ESRRB: variants seen among roughly 807,000 people sequenced by gnomAD.
ESRRB encodes the protein estrogen related receptor beta.
Under a neutral mutation model 46.0 loss-of-function variants are expected in ESRRB, and 16 were observed. The observed-to-expected ratio is 0.35, with a 90% CI of 0.24 to 0.53. The LOEUF is 0.53. Among genes scored for constraint, ESRRB ranks in the 20% least tolerant of loss-of-function variants. ESRRB has a pLI of 0.93. For missense variants in ESRRB, 488 were observed against 607.4 expected (o/e 0.80, Z 2.07); for synonymous variants, 246 against 259.6 (o/e 0.95, Z 0.50).
At chr14:76,439,296 C>T (rs777050932) in intron 1 of ESRRB, 45 bp from the exon 2 acceptor site, 12 of 1,609,300 alleles carry the variant, frequency 7.5e-6, no homozygotes, top group Non-Finnish European at 9.4e-6. Flanking sequence ...GCCCACCACA[C>T]CCACAGCACC....
At chr14:76,431,831 G>C (rs1392494815) in intron 1 of ESRRB, among the ~76,000 whole-genome samples, 1 of 152,130 alleles carries the variant, frequency 6.6e-6, no homozygotes, top group African/African-American at 2.4e-5. Flanking sequence ...TGATGGACTT[G>C]ACACTCCCCG....
intron 1 of ESRRB, among the ~76,000 whole-genome samples, chr14:76,323,375 ACATGGCTGACTG>A (rs1177655727): frequency 6.6e-6 from 1 of 151,136 alleles, no homozygotes; most frequent in Non-Finnish European, 1.5e-5. Flanking sequence ...AGTGGTAGGA[ACATGGCTGACTG>A]CAGCATTGAC....
intron 1 of ESRRB, among the ~76,000 whole-genome samples, chr14:76,405,143 G>A (rs1205106712): frequency 2.0e-5 from 3 of 152,084 alleles, no homozygotes; most frequent in African/African-American, 7.2e-5. Context: ...CTCTGTCACT[G>A]AGGCTGGAGT....
intron 5 of ESRRB, among the ~76,000 whole-genome samples, chr14:76,490,752 C>T (rs1224696638): frequency 7.2e-5 from 11 of 152,190 alleles, no homozygotes; most frequent in South Asian, 6.2e-4. Context: ...TCCAAGCTCC[C>T]GGAACAGGCC....
chr14:76,476,930 A>T (rs1018781768), intron 3 of ESRRB, among the ~76,000 whole-genome samples: 5 of 152,136 alleles, frequency 3.3e-5, no homozygotes, highest in Admixed American at 3.3e-4. Flanking sequence ...CCTGCCATGG[A>T]CTTAACCTGA....
At chr14:76,401,732 C>G (rs2139841503) in intron 1 of ESRRB, among the ~76,000 whole-genome samples, 1 of 152,280 alleles carries the variant, frequency 6.6e-6, no homozygotes, top group Middle Eastern at 3.4e-3. Flanking sequence ...GTAGGCTATG[C>G]CATCTAGGCT....
At chr14:76,405,767 G>A (rs959688965) in intron 1 of ESRRB, among the ~76,000 whole-genome samples, 1 of 151,808 alleles carries the variant, frequency 6.6e-6, no homozygotes, top group Non-Finnish European at 1.5e-5. Flanking sequence ...AAAAAAAGGT[G>A]TGGTGGCATG....
At chr14:76,409,115 A>G (rs1490675166) in intron 1 of ESRRB, among the ~76,000 whole-genome samples, 3 of 152,352 alleles carry the variant, frequency 2.0e-5, no homozygotes, top group East Asian at 3.9e-4. Context: ...GCTTCCCCTG[A>G]CAGTTTCTTG....
At chr14:76,367,546 G>A (rs1301507791), upstream of ESRRB, among the ~76,000 whole-genome samples, 1 of 95,382 alleles carries the variant, frequency 1.0e-5, no homozygotes, top group Non-Finnish European at 2.9e-5. Context: ...GACAGGGGGC[G>A]ATCCTGTCTC....
intron 1 of ESRRB, among the ~76,000 whole-genome samples, chr14:76,312,624 G>A (rs1439548599): frequency 6.6e-6 from 1 of 151,542 alleles, no homozygotes; most frequent in Non-Finnish European, 1.5e-5. Flanking sequence ...ACGCCAACTA[G>A]GAGTTAAAGT....
At chr14:76,372,811 G>A (rs368181322), upstream of ESRRB, among the ~76,000 whole-genome samples, 12 of 152,304 alleles carry the variant, frequency 7.9e-5, no homozygotes, top group South Asian at 2.3e-3. Flanking sequence ...TAGCCTGGGC[G>A]ACAGAGCTGG....
At chr14:76,358,407 GAAAGA>G (rs1566859734) in intron 1 of ESRRB, among the ~76,000 whole-genome samples, 4 of 128,120 alleles carry the variant, frequency 3.1e-5, no homozygotes, top group Middle Eastern at 4.1e-3. Context: ...AAGAAAGAAA[GAAAGA>G]AAAGAAAAGA....
intron 3 of ESRRB, among the ~76,000 whole-genome samples, chr14:76,467,772 A>G (rs145626314): frequency 6.6e-6 from 1 of 152,066 alleles, no homozygotes; most frequent in Admixed American, 6.6e-5. Context: ...GAAAACCACT[A>G]GCTGCATTTC....
At chr14:76,481,380 C>T (rs568977707) in intron 3 of ESRRB, among the ~76,000 whole-genome samples, 39 of 152,308 alleles carry the variant, frequency 2.6e-4, no homozygotes, top group African/African-American at 3.8e-4. Context: ...TGGCTGTCTA[C>T]GTGGAGTAGC....
At chr14:76,486,557 GCT>G (rs1491131090) in intron 5 of ESRRB, among the ~76,000 whole-genome samples, 1 of 144,990 alleles carries the variant, frequency 6.9e-6, no homozygotes, top group Non-Finnish European at 1.5e-5. Flanking sequence ...CAAATTACGT[GCT>G]TTTTTTTTTT....
chr14:76,359,665 A>G (rs1566860031), intron 1 of ESRRB, among the ~76,000 whole-genome samples: 1 of 152,102 alleles, frequency 6.6e-6, no homozygotes, highest in South Asian at 2.1e-4. Context: ...GAACCACCTG[A>G]GGAAGTGGCC....
At chr14:76,492,660 C>T (rs1409947338) in intron 6 of ESRRB, among the ~76,000 whole-genome samples, 2 of 152,182 alleles carry the variant, frequency 1.3e-5, no homozygotes, top group Admixed American at 1.3e-4. Flanking sequence ...CCAAAATCAA[C>T]CTGAACCTAT....
At chr14:76,448,248 T>C (rs2139955172) in intron 2 of ESRRB, among the ~76,000 whole-genome samples, 1 of 152,022 alleles carries the variant, frequency 6.6e-6, no homozygotes, top group Non-Finnish European at 1.5e-5. Flanking sequence ...CTTCTCCCAC[T>C]GTATGGTTAT....
chr14:76,474,934 A>G (rs1889516236), intron 3 of ESRRB, among the ~76,000 whole-genome samples: 1 of 151,688 alleles, frequency 6.6e-6, no homozygotes, highest in Non-Finnish European at 1.5e-5. Context: ...CCAAAAAAAA[A>G]AAGAAAGGAG....
Sources: gnomAD v4.1 joint callset for allele counts (sites outside exome capture counted in the v4.1 genomes callset) on GRCh38, gnomAD v4.1.1 for gene constraint, MANE v1.5 for transcripts, NCBI Gene and HGNC (gene_info 2026-07-23, HGNC 2026-07-21) for gene names.